The following LARGE1 variants were observed in gnomAD, a reference collection of about 807,000 sequenced individuals.
LARGE1 encodes the protein LARGE xylosyl- and glucuronyltransferase 1.
Under a neutral mutation model 87.6 loss-of-function variants are expected in LARGE1, and 43 were observed. The observed-to-expected ratio is 0.49, with a 90% CI of 0.38 to 0.63. The LOEUF (loss-of-function observed/expected upper bound fraction) is 0.63, where lower values mean the gene tolerates loss of function less well. Ranked by LOEUF, LARGE1 falls within the 30% of genes least tolerant of loss-of-function variation. LARGE1 has a pLI of 0.00. For missense variants in LARGE1, 802 were observed against 1,000.2 expected, an observed-to-expected ratio of 0.80 and a Z score of 2.67; for synonymous variants, 434 against 394.6, an observed-to-expected ratio of 1.10 and a Z score of -1.18.
the LARGE1 span, among the ~76,000 whole-genome samples, chr22:33,122,869 CTGATACGGACACAGGTT>C: frequency 1.3e-5 from 2 of 152,162 alleles, no homozygotes; most frequent in Non-Finnish European, 2.9e-5. Context: ...CAACTACCTG[CTGATACGGACACAGGTT>C]TGATTTGAGG....
At chr22:33,912,826 C>A (rs1237791135) in intron 1 of LARGE1, among the ~76,000 whole-genome samples, 5 of 143,854 alleles carry the variant, frequency 3.5e-5, no homozygotes, top group Non-Finnish European at 7.6e-5. Context: ...GAAGAACCAG[C>A]AGACAAGCAT....
chr22:33,568,627 G>T (rs889997152), intron 5 of LARGE1, among the ~76,000 whole-genome samples: 1 of 152,040 alleles, frequency 6.6e-6, no homozygotes, highest in African/African-American at 2.4e-5. Flanking sequence ...TTAGCCGGGT[G>T]TGGTGGTGCA....
At chr22:33,067,935 G>A in the LARGE1 span, among the ~76,000 whole-genome samples, 1 of 151,648 alleles carries the variant, frequency 6.6e-6, no homozygotes, top group Admixed American at 6.6e-5. Flanking sequence ...AGCTGAGATC[G>A]CATCACTGCA....
the LARGE1 span, among the ~76,000 whole-genome samples, chr22:33,084,871 A>T: frequency 6.6e-6 from 1 of 152,336 alleles, no homozygotes; most frequent in South Asian, 2.1e-4. Context: ...TTATAACAAC[A>T]TCCTCAAAAT....
At chr22:33,594,181 G>C (rs1012703337) in intron 5 of LARGE1, among the ~76,000 whole-genome samples, 1 of 152,100 alleles carries the variant, frequency 6.6e-6, no homozygotes, top group African/African-American at 2.4e-5. Context: ...CTTAGTTGTC[G>C]AGGCTCCTTT....
intron 9 of LARGE1, among the ~76,000 whole-genome samples, chr22:33,353,397 T>C (rs1940582832): frequency 1.3e-5 from 2 of 152,060 alleles, no homozygotes; most frequent in South Asian, 2.1e-4. Flanking sequence ...TTTTCTTTTT[T>C]TCTTTTTTTT....
chr22:33,664,576 G>T (rs1285467616), intron 2 of LARGE1, among the ~76,000 whole-genome samples: 1 of 152,146 alleles, frequency 6.6e-6, no homozygotes, highest in African/African-American at 2.4e-5. Flanking sequence ...CTTTAAAAAT[G>T]GCTATCAGGG....
chr22:33,688,142 G>C (rs1035212263), intron 2 of LARGE1, among the ~76,000 whole-genome samples: 1 of 152,212 alleles, frequency 6.6e-6, no homozygotes, highest in African/African-American at 2.4e-5. Context: ...CTTGGGATGA[G>C]ATCCTACTCG....
intron 1 of LARGE1, among the ~76,000 whole-genome samples, chr22:33,846,689 T>TATA (rs2063441097): frequency 6.6e-6 from 1 of 152,158 alleles, no homozygotes; most frequent in Non-Finnish European, 1.5e-5. Flanking sequence ...TGCCTGGGGG[T>TATA]ATAGGTCTAT....
chr22:33,146,761 A>G, the LARGE1 span, among the ~76,000 whole-genome samples: 2 of 152,236 alleles, frequency 1.3e-5, no homozygotes, highest in East Asian at 3.9e-4. Context: ...TGAACTGTAA[A>G]TTAAATACAT....
chr22:33,600,584 G>GAATAGAATTCATTAGGAATTCATTA (rs1226503523), intron 5 of LARGE1, among the ~76,000 whole-genome samples: 1 of 152,194 alleles, frequency 6.6e-6, no homozygotes, highest in East Asian at 1.9e-4. Flanking sequence ...TTAGCAATGG[G>GAATAGAATTCATTAGGAATTCATTA]GGAAAGGAAG....
the LARGE1 span, among the ~76,000 whole-genome samples, chr22:33,102,423 G>A: frequency 1.2e-4 from 18 of 151,840 alleles, no homozygotes; most frequent in Admixed American, 6.6e-4. Flanking sequence ...TGCTCACCTC[G>A]GCCTCCTAAA....
Position 33,383,508 on chromosome 22 carries a change from C to T in LARGE1, c.1005+684G>A, listed in dbSNP as rs185394724. Among the ~76,000 whole-genome samples the T allele has an allele frequency of 2.8e-4, 42 of 152,054 alleles. 1 individual carries two copies. In the South Asian group the frequency reaches 4.6e-3, roughly 17 times the overall value. On this transcript the variant is annotated intron_variant, in intron 8 of 14. Transcript: ENST00000397394. ...CCAGGAGGCGGAGGTTGCCGTGAGCCGAGACTGTACCACTGCATTCCAGCC... is the reference window on the plus strand; with the variant it reads ...CCAGGAGGCGGAGGTTGCCGTGAGCTGAGACTGTACCACTGCATTCCAGCC...
intron 11 of LARGE1, among the ~76,000 whole-genome samples, chr22:33,254,631 A>C (rs1342350126): frequency 6.6e-6 from 1 of 152,132 alleles, no homozygotes; most frequent in South Asian, 2.1e-4. Flanking sequence ...AAGTCACCCA[A>C]CCTCACTGTG....
intron 2 of LARGE1, among the ~76,000 whole-genome samples, chr22:33,685,601 A>G (rs2081921124): frequency 6.6e-6 from 1 of 152,222 alleles, no homozygotes; most frequent in Non-Finnish European, 1.5e-5. Context: ...AAGCATATGA[A>G]TTATAAACAA....
chr22:33,498,453 C>T (rs2070258983), intron 6 of LARGE1, among the ~76,000 whole-genome samples: 1 of 152,262 alleles, frequency 6.6e-6, no homozygotes, highest in Admixed American at 6.5e-5. Context: ...AGGCTGGATA[C>T]ATATATTAAC....
chr22:33,339,171 A>AG (rs1555899071), intron 9 of LARGE1, among the ~76,000 whole-genome samples: 4 of 151,568 alleles, frequency 2.6e-5, no homozygotes, highest in South Asian at 2.1e-4. Flanking sequence ...AAAAAAAAAA[A>AG]AAGAAGAAGA....
intron 1 of LARGE1, among the ~76,000 whole-genome samples, chr22:33,812,333 G>C (rs1176883870): frequency 1.3e-5 from 2 of 152,188 alleles, no homozygotes; most frequent in East Asian, 3.9e-4. Flanking sequence ...CACCTGCCCA[G>C]AACTTGTGAC....
At chr22:33,396,513 G>C (rs1206570198) in intron 7 of LARGE1, among the ~76,000 whole-genome samples, 1 of 148,712 alleles carries the variant, frequency 6.7e-6, no homozygotes, top group Non-Finnish European at 1.5e-5. Context: ...GAAGGAGGGA[G>C]GGGTGGGAGA....
Sources: gnomAD v4.1 joint callset for allele counts (sites outside exome capture counted in the v4.1 genomes callset) on GRCh38, gnomAD v4.1.1 for gene constraint, MANE v1.5 for transcripts, NCBI Gene and HGNC (gene_info 2026-07-23, HGNC 2026-07-21) for gene names.